PDZRN4: variants seen among roughly 807,000 people sequenced by gnomAD.
PDZRN4 encodes PDZ domain containing ring finger 4.
In PDZRN4, 70 loss-of-function variants were observed where a neutral mutation model predicts 99.0. The observed-to-expected ratio is 0.71, with a 90% CI of 0.58 to 0.86. The LOEUF (loss-of-function observed/expected upper bound fraction) is 0.86, where lower values mean the gene tolerates loss of function less well. Ranked by LOEUF, PDZRN4 falls within the 40% of genes least tolerant of loss-of-function variation. The pLI is 0.00. For missense variants in PDZRN4, 1,474 were observed against 1,331.2 expected (o/e 1.11, Z -1.67); for synonymous variants, 551 against 501.6 (o/e 1.10, Z -1.32).
intron 3 of PDZRN4, among the ~76,000 whole-genome samples, chr12:41,394,125 T>C (rs1952228742): frequency 6.6e-6 from 1 of 152,138 alleles, no homozygotes; most frequent in Non-Finnish European, 1.5e-5. Context: ...CAGACAGCTG[T>C]CTTCTCATTG....
intron 3 of PDZRN4, among the ~76,000 whole-genome samples, chr12:41,304,082 G>A (rs1168931853): frequency 6.6e-6 from 1 of 152,160 alleles, no homozygotes; most frequent in Non-Finnish European, 1.5e-5. Context: ...GAAAAATTCT[G>A]TCTTGAGGGA....
chr12:41,436,490 A>G (rs1399977890), intron 3 of PDZRN4, among the ~76,000 whole-genome samples: 1 of 152,158 alleles, frequency 6.6e-6, no homozygotes, highest in Non-Finnish European at 1.5e-5. Context: ...TAAAAATCTC[A>G]AGATCCAGTG....
intron 3 of PDZRN4, among the ~76,000 whole-genome samples, chr12:41,257,410 T>C (rs941416199): frequency 2.6e-4 from 40 of 152,206 alleles, no homozygotes; most frequent in African/African-American, 8.9e-4. Context: ...TAATCATCTC[T>C]CATAGGCCCT....
intron 3 of PDZRN4, among the ~76,000 whole-genome samples, chr12:41,389,114 G>T (rs566282095): frequency 1.3e-5 from 2 of 152,194 alleles, no homozygotes; most frequent in South Asian, 4.2e-4. Flanking sequence ...ATATGAAAAA[G>T]TAGGAGAAAA....
chr12:41,325,534 T>C (rs1159123178), intron 3 of PDZRN4, among the ~76,000 whole-genome samples: 3 of 152,074 alleles, frequency 2.0e-5, no homozygotes, highest in Non-Finnish European at 4.4e-5. Context: ...TGTTGGAAAC[T>C]CAACAAACTC....
At chr12:41,256,456 T>C (rs547834843) in intron 3 of PDZRN4, among the ~76,000 whole-genome samples, 78 of 152,302 alleles carry the variant, frequency 5.1e-4, no homozygotes, top group South Asian at 3.3e-3. Context: ...TAAATAAGTA[T>C]GGAATAGCTA....
intron 3 of PDZRN4, among the ~76,000 whole-genome samples, chr12:41,219,256 A>G (rs1178774508): frequency 6.6e-6 from 1 of 152,060 alleles, no homozygotes; most frequent in East Asian, 1.9e-4. Context: ...CAGGGGAAGA[A>G]GACTGAGAAA....
chr12:41,513,781 A>G (rs1383506000), intron 5 of PDZRN4, among the ~76,000 whole-genome samples: 1 of 152,060 alleles, frequency 6.6e-6, no homozygotes, highest in African/African-American at 2.4e-5. Context: ...CCAACTCCTA[A>G]TAAAGATATG....
At chr12:41,216,811 T>C (rs1403619609) in intron 3 of PDZRN4, among the ~76,000 whole-genome samples, 1 of 152,020 alleles carries the variant, frequency 6.6e-6, no homozygotes, top group Non-Finnish European at 1.5e-5. Context: ...TATGGAATCA[T>C]CAAACATTAC....
At chr12:41,291,771 G>A (rs912647736) in intron 3 of PDZRN4, among the ~76,000 whole-genome samples, 5 of 152,140 alleles carry the variant, frequency 3.3e-5, no homozygotes, top group Admixed American at 1.3e-4. Flanking sequence ...GAAACACCAT[G>A]AGGAGGATCT....
rs1002193847 is a variant in PDZRN4, at chr12:41,364,914, G to A, written c.844-141542G>A. 1.9e-4 allele frequency among the ~76,000 whole-genome samples: 29 copies of A among 152,084 alleles called. No homozygotes were observed. The Middle Eastern group carries it at 0.014, about 71-fold the overall frequency. ...CTTTTTGAAGAAAGAGATGCCAGTG[G>A]GGAGAAAAAAATAAATCCTGGATGT... On this transcript the variant is annotated intron_variant, in intron 3 of 9. Coordinates refer to ENST00000402685, the MANE Select transcript of PDZRN4 (RefSeq NM_001164595.2).
intron 3 of PDZRN4, among the ~76,000 whole-genome samples, chr12:41,477,485 A>G (rs907249444): frequency 6.6e-6 from 1 of 152,228 alleles, no homozygotes; most frequent in African/African-American, 2.4e-5. Flanking sequence ...TCTGTTAAGG[A>G]CAGCCGAAAA....
In PDZRN4 at chr12:41,215,377, G is replaced by A. The variant is rs117831901; in HGVS notation, c.843+21189G>A. ...ACGCAGATTCCAGAGTTCAATCCCA[G>A]ACCTAGTGAAATAATCTCTAAGGTC... On this transcript the variant is annotated intron_variant, in intron 3 of 9. Transcript: ENST00000402685. Among the ~76,000 whole-genome samples, 1,343 of 152,070 alleles carry A rather than the reference G, an allele frequency of 8.8e-3. 15 individuals are homozygous for A. Among genetic ancestry groups the A allele is most frequent in the Middle Eastern group, 0.044 (13 of 294 alleles).
In PDZRN4 at chr12:41,211,523, T is replaced by C. The variant is rs548359225; in HGVS notation, c.843+17335T>C. On this transcript the variant is annotated intron_variant, in intron 3 of 9. Coordinates refer to ENST00000402685, the MANE Select transcript of PDZRN4 (RefSeq NM_001164595.2). ...GAAGCTTTTCTCTGAGGTGCTCATGTATTATCATTAGCATGATTAGTGTTA... is the reference window on the plus strand; with the variant it reads ...GAAGCTTTTCTCTGAGGTGCTCATGCATTATCATTAGCATGATTAGTGTTA... 2.6e-5 allele frequency among the ~76,000 whole-genome samples: 4 copies of C among 152,098 alleles called. No homozygotes were observed. In the East Asian group the frequency reaches 7.8e-4, roughly 30 times the overall value.
chr12:41,528,765 G>A (rs1260997573), intron 5 of PDZRN4, among the ~76,000 whole-genome samples: 2 of 152,180 alleles, frequency 1.3e-5, no homozygotes, highest in Non-Finnish European at 2.9e-5. Context: ...CCGGCACACA[G>A]CAGTAAATTG....
chr12:41,507,997 C>G (rs1350611471), intron 4 of PDZRN4, among the ~76,000 whole-genome samples: 1 of 152,144 alleles, frequency 6.6e-6, no homozygotes, highest in Non-Finnish European at 1.5e-5. Context: ...CCAACAAATA[C>G]TTCCTTGAAT....
chr12:41,205,296 C>T (rs1178550840), intron 3 of PDZRN4, among the ~76,000 whole-genome samples: 1 of 151,894 alleles, frequency 6.6e-6, no homozygotes, highest in Non-Finnish European at 1.5e-5. Flanking sequence ...CACTGCCTCT[C>T]TCAGCAGCCA....
intron 3 of PDZRN4, among the ~76,000 whole-genome samples, chr12:41,365,631 C>G (rs1306933977): frequency 6.6e-6 from 1 of 152,040 alleles, no homozygotes; most frequent in East Asian, 1.9e-4. Context: ...CCAGAATTCT[C>G]AAGATTATCA....
chr12:41,455,699 C>G (rs1166072323), intron 3 of PDZRN4, among the ~76,000 whole-genome samples: 1 of 152,172 alleles, frequency 6.6e-6, no homozygotes, highest in Non-Finnish European at 1.5e-5. Flanking sequence ...TTTCTTCAAA[C>G]CCCTTACTGC....
Sources: gnomAD v4.1 joint callset for allele counts (sites outside exome capture counted in the v4.1 genomes callset) on GRCh38, gnomAD v4.1.1 for gene constraint, MANE v1.5 for transcripts, NCBI Gene and HGNC (gene_info 2026-07-23, HGNC 2026-07-21) for gene names.